ATP11A: variants seen among roughly 807,000 people sequenced by gnomAD.
The protein encoded by ATP11A is ATPase phospholipid transporting 11A.
Under a neutral mutation model 154.4 loss-of-function variants are expected in ATP11A, and 81 were observed. The ratio of observed to expected loss-of-function variants is 0.52; its 90% CI spans 0.44 to 0.63. The LOEUF is 0.63. Ranked by LOEUF, ATP11A falls within the 30% of genes least tolerant of loss-of-function variation. The probability of loss-of-function intolerance (pLI) is 0.00; values close to 1 mark genes in which losing one functional copy is unlikely to be tolerated. For missense variants in ATP11A, 1,316 were observed against 1,474.3 expected, an observed-to-expected ratio of 0.89 and a Z score of 1.76; for synonymous variants, 623 against 585.9, an observed-to-expected ratio of 1.06 and a Z score of -0.91.
At chr13:112,712,924 A>G (rs1460726871) in intron 1 of ATP11A, among the ~76,000 whole-genome samples, 1 of 152,244 alleles carries the variant, frequency 6.6e-6, no homozygotes, top group Non-Finnish European at 1.5e-5. Context: ...TTCTTTTTAT[A>G]GCAGCCATGC....
chr13:112,757,359 G>A (rs1314491411), intron 1 of ATP11A, among the ~76,000 whole-genome samples: 1 of 152,246 alleles, frequency 6.6e-6, no homozygotes, highest in Non-Finnish European at 1.5e-5. Flanking sequence ...TTTTCTAGAA[G>A]GCAATGTGTT....
chr13:112,781,101 C>T (rs147961068), intron 1 of ATP11A, among the ~76,000 whole-genome samples: 1,713 of 152,210 alleles, frequency 0.011, 37 homozygotes, highest in African/African-American at 0.039. Flanking sequence ...AGAGCAGAGG[C>T]GCCATCTTGT....
At chr13:112,847,305 G>A (rs1456441000) in intron 17 of ATP11A, among the ~76,000 whole-genome samples, 1 of 152,226 alleles carries the variant, frequency 6.6e-6, no homozygotes, top group Admixed American at 6.5e-5. Context: ...GGCTGTGCTT[G>A]CTGTCATATC....
At chr13:112,844,742 G>A (rs1054310650) in intron 17 of ATP11A, among the ~76,000 whole-genome samples, 1 of 102,158 alleles carries the variant, frequency 9.8e-6, no homozygotes, top group Non-Finnish European at 1.9e-5. Flanking sequence ...TACCTCTAGC[G>A]GTACTAGTCC....
chr13:112,747,623 G>T (rs1318987385), intron 1 of ATP11A, among the ~76,000 whole-genome samples: 2 of 152,204 alleles, frequency 1.3e-5, no homozygotes, highest in African/African-American at 4.8e-5. Flanking sequence ...ATCACTTGAG[G>T]TCAGGAGTTC....
At chr13:112,871,619 G>A in intron 25 of ATP11A, 116 bp from the exon 26 acceptor site, 3 of 926,288 alleles carry the variant, frequency 3.2e-6, no homozygotes, top group Non-Finnish European at 5.3e-6. Flanking sequence ...TATATCTTTG[G>A]GGTTTGAAGT....
intron 1 of ATP11A, among the ~76,000 whole-genome samples, chr13:112,737,308 C>T (rs1373478865): frequency 6.6e-6 from 1 of 152,130 alleles, no homozygotes; most frequent in Non-Finnish European, 1.5e-5. Context: ...GTTTCTTGGC[C>T]CTGATGACAG....
rs143434249 is a variant in ATP11A at position 112,810,699 on chromosome 13, C to T, written c.414C>T (p.Leu138=). The T allele has an allele frequency of 7.4e-5, 120 of 1,614,158 alleles. No homozygotes were observed. Among genetic ancestry groups the T allele is most frequent in the East Asian group, 4.7e-4 (21 of 44,888 alleles). ...TTCATTTCATTCAGCACGGCAAGCT[C>T]GTTCGGAAACAAAGTCGAAAGCTGC... ...CPVHFIQHGK[L]VRKQSRKLRV... is the part of the protein sequence containing the mutation. Residue 138 remains leucine (L), a synonymous_variant, in exon 5 of 30, where the codon CTC becomes CTT. Coordinates refer to ENST00000375645, the MANE Select transcript of ATP11A (RefSeq NM_015205.3).
chr13:112,883,313 T>G lies in ATP11A; in HGVS notation c.*1447T>G, dbSNP rs752404220. 2.0e-5 allele frequency: 8 copies of G among 398,114 alleles called. No homozygotes were observed. The highest frequency in any genetic ancestry group is 3.1e-5 in the Non-Finnish European group (7 of 226,054). 24.7% of individuals were successfully genotyped at this position (398,114 alleles called of 1,614,324 possible). On this transcript the variant is annotated 3_prime_UTR_variant, in exon 30 of 30. Transcript: ENST00000375645. The stretch of plus-strand genomic sequence containing the variant: ...GCATTTCTATTTCTAGAAATAATAT[T>G]TGACATAGCCTTAATGGTCCTTAAA...
chr13:112,791,150 A>G (rs1256611029), intron 2 of ATP11A, among the ~76,000 whole-genome samples: 1 of 152,210 alleles, frequency 6.6e-6, no homozygotes, highest in African/African-American at 2.4e-5. Context: ...CAAATCCCAA[A>G]CATACTGCTT....
Position 112,873,710 on chromosome 13 carries a change from A to C in ATP11A, c.3161+34A>C, listed in dbSNP as rs763202696. On this transcript the variant is annotated intron_variant, in intron 27 of 29. Transcript: ENST00000375645. ...CTGATAAGTAGCTGATAATCTGATAAATATCATGTGGTTGTTATTTTTTTA... is the reference window on the plus strand; with the variant it reads ...CTGATAAGTAGCTGATAATCTGATACATATCATGTGGTTGTTATTTTTTTA... 1.9e-6 allele frequency: 3 copies of C among 1,561,816 alleles called. No homozygotes were observed. In the Admixed American group the frequency reaches 5.0e-5, roughly 26 times the overall value.
At chr13:112,699,583 C>T (rs765973999) in intron 1 of ATP11A, among the ~76,000 whole-genome samples, 3 of 152,198 alleles carry the variant, frequency 2.0e-5, no homozygotes, top group African/African-American at 7.2e-5. Flanking sequence ...TATGTGCAAA[C>T]GTTTTAACAA....
At chr13:112,811,181 C>CACACACA (rs979238564) in intron 5 of ATP11A, among the ~76,000 whole-genome samples, 1 of 150,488 alleles carries the variant, frequency 6.6e-6, no homozygotes, top group African/African-American at 2.4e-5. Flanking sequence ...CACACACACA[C>CACACACA]ACACACACAC....
intron 1 of ATP11A, among the ~76,000 whole-genome samples, chr13:112,747,929 T>A: frequency 6.6e-6 from 1 of 152,108 alleles, no homozygotes; most frequent in East Asian, 1.9e-4. Flanking sequence ...AATTTGAGCA[T>A]CCCTCATTCC....
chr13:112,739,351 C>A (rs1474435349), intron 1 of ATP11A, among the ~76,000 whole-genome samples: 3 of 152,070 alleles, frequency 2.0e-5, no homozygotes, highest in Non-Finnish European at 4.4e-5. Context: ...AAAGGGCCAG[C>A]CAATGAATGA....
Position 112,856,250 on chromosome 13 carries a change from T to C in ATP11A, c.2418+165T>C. The C allele has an allele frequency of 1.0e-5, 7 of 692,782 alleles. No individual in the cohort carries two copies. In the South Asian group the frequency reaches 1.5e-4, roughly 15 times the overall value. 42.9% of individuals were successfully genotyped at this position (692,782 alleles called of 1,614,324 possible). A position where few individuals can be genotyped will look rare whatever the true frequency, so the allele number is the denominator to read the frequency against. On this transcript the variant is annotated intron_variant, in intron 20 of 29. Coordinates refer to ENST00000375645, the MANE Select transcript of ATP11A (RefSeq NM_015205.3). ...ATTTAAAACGCAGATCTTGTTTTGC[T>C]TGTCGGGCCAGCTTCTGTGATTAGT...
intron 1 of ATP11A, chr13:112,703,377 A>C (rs956788255): frequency 1.3e-5 from 2 of 152,248 alleles, no homozygotes; most frequent in Non-Finnish European, 2.9e-5. Context: ...CTTCAGGTCC[A>C]ATCACATTAG....
intron 1 of ATP11A, among the ~76,000 whole-genome samples, chr13:112,732,241 C>T (rs988708797): frequency 1.3e-5 from 2 of 152,152 alleles, no homozygotes; most frequent in Non-Finnish European, 2.9e-5. Flanking sequence ...CAACTTTAAA[C>T]GTTTCTAAGT....
intron 17 of ATP11A, among the ~76,000 whole-genome samples, chr13:112,843,851 C>T (rs1241592882): frequency 6.6e-6 from 1 of 152,208 alleles, no homozygotes; most frequent in Non-Finnish European, 1.5e-5. Context: ...ATTAAAACAG[C>T]TCCTGGCACT....
Sources: allele counts gnomAD v4.1 joint callset (sites outside exome capture counted in the v4.1 genomes callset), GRCh38; gene constraint gnomAD v4.1.1; transcripts MANE v1.5; gene names NCBI Gene and HGNC (gene_info 2026-07-23, HGNC 2026-07-21).